Variants in DYM observed in about 807,000 individuals in gnomAD.
The protein encoded by DYM is dyggve-Melchior-Clausen syndrome protein.
A neutral mutation model predicts 93.1 loss-of-function variants in DYM; 78 were observed. That is an observed-to-expected ratio of 0.84 (90% CI 0.70 to 1.01). The LOEUF (loss-of-function observed/expected upper bound fraction) is 1.01, where lower values mean the gene tolerates loss of function less well. Ranked by LOEUF, DYM falls within the 50% of genes least tolerant of loss-of-function variation. The pLI, the probability that DYM is intolerant of heterozygous loss-of-function variation, is 0.00. For missense variants in DYM, 789 were observed against 845.0 expected (o/e 0.93, Z 0.82); for synonymous variants, 321 against 319.7 (o/e 1.00, Z -0.04).
chr18:49,325,375 C>T (rs1002019351), intron 8 of DYM, among the ~76,000 whole-genome samples: 18 of 152,172 alleles, frequency 1.2e-4, no homozygotes, highest in Admixed American at 4.6e-4. Context: ...TTATTTTACA[C>T]GTGACAGCTA....
intron 3 of DYM, among the ~76,000 whole-genome samples, chr18:49,384,184 G>A (rs1221856277): frequency 1.3e-5 from 2 of 151,846 alleles, no homozygotes; most frequent in East Asian, 1.9e-4. Flanking sequence ...TTAGCCAGGT[G>A]TGGTTGCGCA....
chr18:49,144,665 G>A (rs919307664), intron 15 of DYM, among the ~76,000 whole-genome samples: 3 of 152,142 alleles, frequency 2.0e-5, no homozygotes, highest in Non-Finnish European at 4.4e-5. Flanking sequence ...GAAGTAGAAT[G>A]ACTAGACATA....
At chr18:49,447,825 T>C (rs1200059996) in intron 1 of DYM, among the ~76,000 whole-genome samples, 2 of 152,168 alleles carry the variant, frequency 1.3e-5, no homozygotes, top group South Asian at 2.1e-4. Context: ...GATCAGGGAA[T>C]GTCGTAGTAA....
At chr18:49,449,139 C>G (rs1400735280) in intron 1 of DYM, among the ~76,000 whole-genome samples, 1 of 152,178 alleles carries the variant, frequency 6.6e-6, no homozygotes, top group Non-Finnish European at 1.5e-5. Flanking sequence ...AAGTTCCCTC[C>G]TCTTTGCAAG....
intron 3 of DYM, among the ~76,000 whole-genome samples, chr18:49,382,451 T>C (rs997720807): frequency 3.9e-5 from 6 of 152,216 alleles, no homozygotes; most frequent in African/African-American, 1.4e-4. Flanking sequence ...CCATGGTAGA[T>C]TCAAGATTCC....
At chr18:49,351,114 TAG>T (rs982408693) in intron 6 of DYM, among the ~76,000 whole-genome samples, 2 of 152,018 alleles carry the variant, frequency 1.3e-5, no homozygotes, top group Non-Finnish European at 2.9e-5. Context: ...ACATGAGTTT[TAG>T]AGAGACTTAA....
chr18:49,238,520 A>G (rs773148744), intron 13 of DYM, among the ~76,000 whole-genome samples: 3 of 152,028 alleles, frequency 2.0e-5, no homozygotes, highest in Non-Finnish European at 4.4e-5. Flanking sequence ...CTATAAGGAT[A>G]TTAACTGTTG....
At chr18:49,269,421 A>G (rs2094633961) in intron 11 of DYM, among the ~76,000 whole-genome samples, 2 of 152,238 alleles carry the variant, frequency 1.3e-5, no homozygotes, top group African/African-American at 4.8e-5. Context: ...GAAATTAAAA[A>G]TAGAACTAGT....
intron 17 of DYM, among the ~76,000 whole-genome samples, chr18:49,080,871 G>C (rs2077919519): frequency 6.6e-6 from 1 of 151,954 alleles, no homozygotes; most frequent in Non-Finnish European, 1.5e-5. Context: ...CGGGGTGGCG[G>C]CCGGGCAGAG....
chr18:49,200,626 G>T (rs745650727), intron 14 of DYM, among the ~76,000 whole-genome samples: 2 of 151,332 alleles, frequency 1.3e-5, no homozygotes, highest in Non-Finnish European at 3.0e-5. Flanking sequence ...CCTTTCTTTA[G>T]GTTAAGTTCT....
chr18:49,109,224 T>C, intron 16 of DYM, among the ~76,000 whole-genome samples: 1 of 152,110 alleles, frequency 6.6e-6, no homozygotes, highest in East Asian at 1.9e-4. Flanking sequence ...TATTGGCATG[T>C]AGGATTTAAA....
At chr18:49,159,528 G>C (rs2086845465) in intron 15 of DYM, among the ~76,000 whole-genome samples, 1 of 152,186 alleles carries the variant, frequency 6.6e-6, no homozygotes, top group African/African-American at 2.4e-5. Flanking sequence ...AAGTGATCAT[G>C]ACTTGATGAA....
chr18:49,368,992 G>A (rs757247167), intron 5 of DYM, among the ~76,000 whole-genome samples: 4 of 152,238 alleles, frequency 2.6e-5, no homozygotes, highest in Non-Finnish European at 5.9e-5. Context: ...ACCTGCCAGC[G>A]TGAGGCCAAT....
At chr18:49,425,042 A>G (rs575193644) in intron 2 of DYM, among the ~76,000 whole-genome samples, 2 of 152,280 alleles carry the variant, frequency 1.3e-5, no homozygotes, top group South Asian at 4.1e-4. Context: ...GGAAAAAACT[A>G]CTTTAAAGTT....
intron 6 of DYM, among the ~76,000 whole-genome samples, chr18:49,361,325 C>T (rs960149376): frequency 1.4e-4 from 22 of 152,186 alleles, no homozygotes; most frequent in Non-Finnish European, 3.2e-4. Context: ...TATTAAAATT[C>T]TAGATGCTGC....
chr18:49,292,731 C>T (rs546477788), intron 8 of DYM, among the ~76,000 whole-genome samples: 74 of 151,784 alleles, frequency 4.9e-4, no homozygotes, highest in Non-Finnish European at 9.0e-4. Context: ...TTAATTGTAT[C>T]CCTTGGGTCT....
intron 16 of DYM, among the ~76,000 whole-genome samples, chr18:49,112,095 G>C (rs574892769): frequency 8.1e-6 from 1 of 123,522 alleles, no homozygotes; most frequent in South Asian, 2.7e-4. Context: ...ACAAGGTTTG[G>C]TGCCTGCCTC....
At chr18:49,194,597 T>G (rs1472349017) in intron 14 of DYM, among the ~76,000 whole-genome samples, 1 of 152,202 alleles carries the variant, frequency 6.6e-6, no homozygotes, top group Non-Finnish European at 1.5e-5. Context: ...TGACTTAATT[T>G]CTTCCATTTT....
At chr18:49,239,938 T>G (rs1179469837) in intron 13 of DYM, among the ~76,000 whole-genome samples, 1 of 152,226 alleles carries the variant, frequency 6.6e-6, no homozygotes, top group Non-Finnish European at 1.5e-5. Flanking sequence ...GCAATAAACT[T>G]AAAAGGCAAT....
Sources: allele counts gnomAD v4.1 joint callset (sites outside exome capture counted in the v4.1 genomes callset), GRCh38; gene constraint gnomAD v4.1.1; transcripts MANE v1.5; gene names NCBI Gene and HGNC (gene_info 2026-07-23, HGNC 2026-07-21).